AQP11: variants seen among roughly 807,000 people sequenced by gnomAD.
AQP11 encodes the protein aquaporin 11, also known as aquaporin-11.
Under a neutral mutation model 21.1 loss-of-function variants are expected in AQP11, and 20 were observed. The ratio of observed to expected loss-of-function variants is 0.95; its 90% CI spans 0.67 to 1.38. The LOEUF (loss-of-function observed/expected upper bound fraction) is 1.38. Among genes scored for constraint, AQP11 ranks in the 40% most tolerant of loss-of-function variants. AQP11 has a pLI of 0.00. For synonymous variants in AQP11, 167 were observed against 150.1 expected, an observed-to-expected ratio of 1.11 and a Z score of -0.82; for missense variants, 339 against 340.4, an observed-to-expected ratio of 1.00 and a Z score of 0.03.
chr11:77,603,748 T>C, intron 2 of AQP11, 76 bp downstream of exon 2: 2 of 1,091,008 alleles, frequency 1.8e-6, no homozygotes, highest in East Asian at 5.3e-5. Flanking sequence ...CATTGTAACA[T>C]GTCAATTTCC....
chr11:77,590,504 C>A lies in AQP11; in HGVS notation c.512C>A (p.Ala171Asp), dbSNP rs559881432. The A allele has an allele frequency of 6.2e-7, 1 of 1,614,172 alleles. No homozygotes were observed. Among genetic ancestry groups the A allele is most frequent in the East Asian group, 2.2e-5 (1 of 44,866 alleles). ...TTGCTCAAAGCGGTCATCACAGAGG[C>A]CGTCTGCTCCTTTCTCTTCCACAGC... ...VDLLKAVITEAVCSFLFHSAL... is the reference protein window; with the variant it reads ...VDLLKAVITEDVCSFLFHSAL... Residue 171 changes from alanine to aspartate, a missense_variant, in exon 1 of 3, where the codon GCC becomes GAC. Physicochemically the swap from Ala to Asp is moderately radical, Grantham distance 126 (BLOSUM62 -2). Coordinates refer to ENST00000313578, the MANE Select transcript of AQP11 (RefSeq NM_173039.3).
intron 1 of AQP11, chr11:77,591,278 T>C: frequency 1.0e-6 from 1 of 983,504 alleles, no homozygotes; most frequent in Non-Finnish European, 1.2e-6. Context: ...AATCTGTTGA[T>C]TTCTTTTAAA....
At chr11:77,590,821 A>C (rs1958743563) in intron 1 of AQP11, 24 of 985,382 alleles carry the variant, frequency 2.4e-5, no homozygotes, top group Non-Finnish European at 2.9e-5. Context: ...ACCCAGAGAA[A>C]GGAGCCACCT....
intron 1 of AQP11, among the ~76,000 whole-genome samples, chr11:77,595,659 C>T (rs7112330): frequency 0.016 from 2,408 of 152,244 alleles, 69 homozygotes; most frequent in African/African-American, 0.056. Context: ...GGATGGCTCA[C>T]GCCTGTAATC....
At chr11:77,608,360 C>G (rs577501843) in intron 2 of AQP11, among the ~76,000 whole-genome samples, 1 of 152,156 alleles carries the variant, frequency 6.6e-6, no homozygotes, top group African/African-American at 2.4e-5. Context: ...CAGCAACTTA[C>G]GCCTGTAATC....
At chr11:77,603,418 T>A (rs1958826193) in intron 1 of AQP11, 138 bp from the exon 2 acceptor site, 1 of 610,794 alleles carries the variant, frequency 1.6e-6, no homozygotes, top group Non-Finnish European at 2.8e-6. Context: ...GTCTAAAATA[T>A]GCCAGGTGAT....
intron 1 of AQP11, among the ~76,000 whole-genome samples, chr11:77,596,520 A>ATGTAAATATATG (rs1565117438): frequency 2.4e-4 from 30 of 123,632 alleles, no homozygotes; most frequent in Non-Finnish European, 4.2e-4. Context: ...GTAAATATAT[A>ATGTAAATATATG]TGTAAATATA....
Position 77,591,874 on chromosome 11 carries a change from C to CA in AQP11, c.619+1271dup, listed in dbSNP as rs35792271. On this transcript the variant is annotated intron_variant, in intron 1 of 2. Transcript: ENST00000313578. ...AGGCGACAACAGTGAGACTCTGTCT[C>CA]AAAAAAAAGAAAGAAAGCAAGCCTT... Among the ~76,000 whole-genome samples, 6 of 151,508 alleles carry CA rather than the reference C, an allele frequency of 4.0e-5. No homozygotes were observed. The East Asian group carries it at 7.7e-4, about 20-fold the overall frequency.
chr11:77,590,168 G>T lies in AQP11; in HGVS notation c.176G>T (p.Cys59Phe). ...LEFLATFQLC[C>F]CTHELQLLSE... ...TTTCTAGCCACCTTCCAGCTCTGCT[G>T]CTGCACCCACGAGCTGCAACTGCTG... is the stretch of plus-strand genomic sequence containing the variant. The change falls in exon 1 of 3, where the codon TGC (cysteine) becomes TTC (phenylalanine). Residue 59 changes from cysteine to phenylalanine, a missense_variant. Physicochemically the swap from Cys to Phe is radical, Grantham distance 205. Transcript: ENST00000313578. The T allele has an allele frequency of 6.2e-7, 1 of 1,606,540 alleles. No homozygotes were observed.
chr11:77,607,949 G>A (rs1269636269), intron 2 of AQP11, among the ~76,000 whole-genome samples: 1 of 151,526 alleles, frequency 6.6e-6, no homozygotes, highest in Non-Finnish European at 1.5e-5. Context: ...TAACATAGAG[G>A]TTGTTTCTGA....
rs191991663 is a variant in AQP11 at position 77,597,899 on chromosome 11, G to A, written c.620-5657G>A. On this transcript the variant is annotated intron_variant, in intron 1 of 2. Transcript: ENST00000313578. Reference sequence around the variant, plus strand: ...CTCCCGAGTAGCTGGGATCATAGGCGCGCTGTAATTTTTGTACTTTTAGTA... The same window carrying A: ...CTCCCGAGTAGCTGGGATCATAGGCACGCTGTAATTTTTGTACTTTTAGTA... Among the ~76,000 whole-genome samples, 18 of 151,896 alleles carry A rather than the reference G, an allele frequency of 1.2e-4. No homozygotes were observed. The East Asian group carries it at 3.5e-3, about 30-fold the overall frequency.
chr11:77,594,207 T>G (rs540749956), intron 1 of AQP11, among the ~76,000 whole-genome samples: 1 of 152,342 alleles, frequency 6.6e-6, no homozygotes, highest in African/African-American at 2.4e-5. Context: ...AATGGCATAC[T>G]TTATGGTATA....
chr11:77,600,567 C>T (rs1045210376), intron 1 of AQP11, among the ~76,000 whole-genome samples: 4 of 152,152 alleles, frequency 2.6e-5, no homozygotes, highest in South Asian at 2.1e-4. Context: ...AGTTGTTCAA[C>T]GATACATCTT....
intron 1 of AQP11, among the ~76,000 whole-genome samples, chr11:77,601,843 C>G (rs1453048498): frequency 6.6e-6 from 1 of 152,190 alleles, no homozygotes; most frequent in Non-Finnish European, 1.5e-5. Flanking sequence ...GCCTTTCATC[C>G]TCCAGCAACC....
At chr11:77,607,361 A>C in intron 2 of AQP11, among the ~76,000 whole-genome samples, 1 of 152,178 alleles carries the variant, frequency 6.6e-6, no homozygotes, top group East Asian at 1.9e-4. Flanking sequence ...CCCAAAACAA[A>C]CACCACTCAA....
intron 2 of AQP11, among the ~76,000 whole-genome samples, chr11:77,606,503 G>A (rs553852274): frequency 3.9e-5 from 6 of 151,936 alleles, no homozygotes; most frequent in Non-Finnish European, 5.9e-5. Context: ...CTAATAATCC[G>A]AACATTCCCC....
In AQP11 at chr11:77,603,485, C is replaced by T. The variant is rs1034645008; in HGVS notation, c.620-71C>T. 1.6e-5 allele frequency: 17 copies of T among 1,045,122 alleles called. No homozygotes were observed. The African/African-American group carries it at 2.4e-4, about 15-fold the overall frequency. The allele number at this position is 1,045,122 out of a possible 1,614,324, so 64.7% of individuals were successfully genotyped here. The stretch of plus-strand genomic sequence containing the variant: ...CTAAAATAAAAGTCACATTTAGTAA[C>T]CATTTATTTCCAGTTACAAGGAAAT... On this transcript the variant is annotated intron_variant, in intron 1 of 2. Coordinates refer to ENST00000313578, the MANE Select transcript of AQP11 (RefSeq NM_173039.3).
chr11:77,592,879 T>C (rs1383368369), intron 1 of AQP11, among the ~76,000 whole-genome samples: 1 of 152,236 alleles, frequency 6.6e-6, no homozygotes, highest in East Asian at 1.9e-4. Flanking sequence ...AACGTCCTTG[T>C]TCTGGGCCCA....
At chr11:77,604,046 A>G (rs747716132) in intron 2 of AQP11, among the ~76,000 whole-genome samples, 2 of 152,224 alleles carry the variant, frequency 1.3e-5, no homozygotes, top group Non-Finnish European at 2.9e-5. Flanking sequence ...CTCATGAAAC[A>G]ATGAATACCT....
Sources: gnomAD v4.1 joint callset for allele counts (sites outside exome capture counted in the v4.1 genomes callset) on GRCh38, gnomAD v4.1.1 for gene constraint, MANE v1.5 for transcripts, NCBI Gene and HGNC (gene_info 2026-07-23, HGNC 2026-07-21) for gene names.